SLC5A7: variants seen among roughly 807,000 people sequenced by gnomAD.
The protein encoded by SLC5A7 is high affinity choline transporter 1.
A neutral mutation model predicts 55.4 loss-of-function variants in SLC5A7; 19 were observed. The observed-to-expected ratio is 0.34, with a 90% confidence interval of 0.24 to 0.50. SLC5A7 has a LOEUF of 0.50. SLC5A7 is among the 20% of genes least tolerant of loss of function. SLC5A7 has a pLI of 0.98. For synonymous variants in SLC5A7, 265 were observed against 263.7 expected (o/e 1.00, Z -0.05); for missense variants, 506 against 705.3 (o/e 0.72, Z 3.20).
chr2:108,000,244 T>A (rs1395635656), intron 5 of SLC5A7, among the ~76,000 whole-genome samples: 4 of 152,160 alleles, frequency 2.6e-5, no homozygotes, highest in Non-Finnish European at 5.9e-5. Flanking sequence ...TTTATTCTTC[T>A]ACCTGTTAGT....
At chr2:107,987,782 A>G (rs1262303061) in intron 1 of SLC5A7, among the ~76,000 whole-genome samples, 3 of 152,230 alleles carry the variant, frequency 2.0e-5, no homozygotes, top group Non-Finnish European at 2.9e-5. Flanking sequence ...TTTGACAGTT[A>G]CTGAGTTAAG....
At chr2:108,009,516 T>A (rs1324724546) in intron 8 of SLC5A7, among the ~76,000 whole-genome samples, 1 of 152,066 alleles carries the variant, frequency 6.6e-6, no homozygotes. Flanking sequence ...CCTGTATCCA[T>A]GTGTTCTCAT....
At chr2:108,009,429 A>G (rs1468991877) in intron 8 of SLC5A7, among the ~76,000 whole-genome samples, 1 of 151,998 alleles carries the variant, frequency 6.6e-6, no homozygotes, top group Non-Finnish European at 1.5e-5. Flanking sequence ...TGCTGCACCT[A>G]TTGACCCGTC....
chr2:108,009,427 C>T (rs191392800), intron 8 of SLC5A7, among the ~76,000 whole-genome samples: 4 of 152,082 alleles, frequency 2.6e-5, no homozygotes, highest in African/African-American at 9.6e-5. Context: ...TTTGCTGCAC[C>T]TATTGACCCG....
intron 5 of SLC5A7, among the ~76,000 whole-genome samples, chr2:108,000,890 C>T (rs944356906): frequency 1.2e-4 from 18 of 150,250 alleles, no homozygotes; most frequent in Middle Eastern, 3.5e-3. Flanking sequence ...CCACAGTGCT[C>T]GGCACCATTT....
rs190152555 is a variant in SLC5A7, at chr2:108,006,093, C to G, written c.786C>G (p.Leu262=). ...GGCAAGCATACTTTCAGAGGGTTCTCTCTTCTTCCTCAGCCACCTATGCTC... is the reference window on the plus strand; with the variant it reads ...GGCAAGCATACTTTCAGAGGGTTCTGTCTTCTTCCTCAGCCACCTATGCTC... ...IPWQAYFQRV[L]SSSSATYAQV... Residue 262 remains leucine, a synonymous_variant, in exon 7 of 9, where the codon CTC becomes CTG. Coordinates refer to ENST00000264047, the MANE Select transcript of SLC5A7 (RefSeq NM_021815.5). 24 of 1,614,140 alleles carry G rather than the reference C, an allele frequency of 1.5e-5. No individual in the cohort carries two copies. In the Admixed American group the frequency reaches 4.0e-4, roughly 27 times the overall value.
Position 107,993,072 on chromosome 2 carries a change from T to C in SLC5A7, c.393T>C (p.Phe131=), listed in dbSNP as rs1425880594. The C allele has an allele frequency of 6.2e-7, 1 of 1,614,138 alleles. No homozygotes were observed. The highest frequency in any genetic ancestry group is 1.3e-5 in the African/African-American group (1 of 74,952). Reference sequence around the variant, plus strand: ...GAAAACGCATGGGCGGACTCCTGTTTATTCCTGCACTGATGGGAGAAATGT... The same window carrying C: ...GAAAACGCATGGGCGGACTCCTGTTCATTCCTGCACTGATGGGAGAAATGT... The part of the protein sequence containing the change: ...IYGKRMGGLL[F]IPALMGEMFW... The change falls in exon 4 of 9, where the codon TTT becomes TTC. Residue 131 remains phenylalanine (F), a synonymous_variant. Coordinates refer to ENST00000264047, the MANE Select transcript of SLC5A7 (RefSeq NM_021815.5).
intron 4 of SLC5A7, among the ~76,000 whole-genome samples, chr2:107,995,498 T>C (rs1358780472): frequency 6.9e-6 from 1 of 144,338 alleles, no homozygotes; most frequent in East Asian, 2.1e-4. Flanking sequence ...TGTGTGTGTG[T>C]GTGAAGTTAC....
chr2:107,991,537 A>G (rs1272594577), intron 2 of SLC5A7, among the ~76,000 whole-genome samples: 1 of 152,152 alleles, frequency 6.6e-6, no homozygotes, highest in East Asian at 1.9e-4. Flanking sequence ...CAGAGTGTTC[A>G]AGAAAAGACT....
chr2:108,000,635 G>A (rs1248712109), intron 5 of SLC5A7, among the ~76,000 whole-genome samples: 1 of 151,948 alleles, frequency 6.6e-6, no homozygotes, highest in Non-Finnish European at 1.5e-5. Context: ...GGCTCTGTCA[G>A]CCAGGCTGGA....
chr2:108,005,445 G>A (rs1042103132), intron 6 of SLC5A7, among the ~76,000 whole-genome samples: 1 of 152,170 alleles, frequency 6.6e-6, no homozygotes, highest in Admixed American at 6.5e-5. Flanking sequence ...GGCCTCTGGG[G>A]TAGTTTAAAT....
In SLC5A7 at chr2:108,013,880, A is replaced by G. The variant is rs1260207903; in HGVS notation, c.*3019A>G. On this transcript the variant is annotated 3_prime_UTR_variant, in exon 9 of 9. Coordinates refer to ENST00000264047, the MANE Select transcript of SLC5A7 (RefSeq NM_021815.5). ...AACTTCATTGCTACACTTACAAGTA[A>G]TGAATTTTATGTGACTATGAAACGA... The G allele has an allele frequency of 6.6e-6, 1 of 152,158 alleles. No individual in the cohort carries two copies. The allele number at this position is 152,158 out of a possible 1,614,324, so 9.4% of individuals were successfully genotyped here.
intron 2 of SLC5A7, among the ~76,000 whole-genome samples, chr2:107,991,427 G>A (rs1027064133): frequency 1.3e-5 from 2 of 152,146 alleles, no homozygotes; most frequent in Non-Finnish European, 2.9e-5. Context: ...ACACCTTGTA[G>A]TAGAAGTGTC....
intron 6 of SLC5A7, 125 bp downstream of exon 6, chr2:108,002,165 ACTCT>A: frequency 8.7e-7 from 1 of 1,153,824 alleles, no homozygotes; most frequent in Non-Finnish European, 1.2e-6. Context: ...TGAATTGAGG[ACTCT>A]CTATCGGGAG....
At chr2:108,005,970 A>G in intron 6 of SLC5A7, 79 bp from the exon 7 acceptor site, 3 of 1,566,538 alleles carry the variant, frequency 1.9e-6, no homozygotes, top group Non-Finnish European at 2.6e-6. Flanking sequence ...ACTTAGGCCT[A>G]TTCTAAATGT....
intron 6 of SLC5A7, among the ~76,000 whole-genome samples, chr2:108,005,212 A>G (rs552900300): frequency 6.6e-6 from 1 of 152,342 alleles, no homozygotes; most frequent in South Asian, 2.1e-4. Flanking sequence ...TGCGGAAAAC[A>G]CCACATACAT....
chr2:108,006,045 A>G lies in SLC5A7; in HGVS notation c.742-4A>G. The G allele has an allele frequency of 6.2e-7, 1 of 1,614,064 alleles. No individual in the cohort carries two copies. On this transcript the variant is annotated splice_region_variant and splice_polypyrimidine_tract_variant and intron_variant, in intron 6 of 8. Transcript: ENST00000264047. ...GCCTCTCCATCCTTGTGTTTCCCGC[A>G]CAGATGCTGGGTGGAATCCCATGGC...
At chr2:107,990,130 G>A (rs1345791995) in intron 2 of SLC5A7, among the ~76,000 whole-genome samples, 1 of 152,076 alleles carries the variant, frequency 6.6e-6, no homozygotes, top group Non-Finnish European at 1.5e-5. Context: ...TTTTAAAAAT[G>A]AATATATTTT....
At chr2:108,002,772 T>C (rs930933259) in intron 6 of SLC5A7, among the ~76,000 whole-genome samples, 2 of 152,064 alleles carry the variant, frequency 1.3e-5, no homozygotes, top group African/African-American at 4.8e-5. Flanking sequence ...ATCTCAGCCC[T>C]TTGCCAGTCT....
Sources: gnomAD v4.1 joint callset for allele counts (sites outside exome capture counted in the v4.1 genomes callset) on GRCh38, gnomAD v4.1.1 for gene constraint, MANE v1.5 for transcripts, NCBI Gene and HGNC (gene_info 2026-07-23, HGNC 2026-07-21) for gene names.